Variants in CNTN4 observed in about 807,000 individuals in gnomAD.
CNTN4 encodes contactin-4.
Under a neutral mutation model 122.5 loss-of-function variants are expected in CNTN4, and 77 were observed. The ratio of observed to expected loss-of-function variants is 0.63; its 90% CI spans 0.52 to 0.76. The LOEUF (loss-of-function observed/expected upper bound fraction) is 0.76. CNTN4 is among the 30% of genes least tolerant of loss of function. CNTN4 has a pLI of 0.00. For synonymous variants in CNTN4, 512 were observed against 447.0 expected (o/e 1.15, Z -1.83); for missense variants, 1,256 against 1,259.1 (o/e 1.00, Z 0.04).
intron 3 of CNTN4, among the ~76,000 whole-genome samples, chr3:2,469,788 T>A (rs143289402): frequency 2.7e-3 from 405 of 152,312 alleles, no homozygotes; most frequent in African/African-American, 9.2e-3. Context: ...AATGTTTGAA[T>A]TTCTGACATG....
chr3:2,646,003 C>A (rs188517421), intron 4 of CNTN4, among the ~76,000 whole-genome samples: 60 of 152,218 alleles, frequency 3.9e-4, no homozygotes, highest in Non-Finnish European at 7.5e-4. Context: ...AAATATTATT[C>A]TTTTTGGATT....
rs527814781 is a variant in CNTN4 at position 2,685,834 on chromosome 3, A to C, written c.56-50381A>C. 3.3e-5 allele frequency among the ~76,000 whole-genome samples: 5 copies of C among 152,256 alleles called. No individual in the cohort carries two copies. The South Asian group carries it at 1.0e-3, about 32-fold the overall frequency. ...GCAGGTGGCTGTGGTTTGGGTTTAC[A>C]TTAGTGGACTTTTTGCCATTATGTT... On this transcript the variant is annotated intron_variant, in intron 4 of 24. Coordinates refer to ENST00000418658, the MANE Select transcript of CNTN4 (RefSeq NM_175607.3).
chr3:2,303,882 G>A (rs1410389611), intron 2 of CNTN4, among the ~76,000 whole-genome samples: 2 of 152,180 alleles, frequency 1.3e-5, no homozygotes, highest in Non-Finnish European at 2.9e-5. Flanking sequence ...CTGTCTGCAG[G>A]TATTTAGAGC....
chr3:2,884,023 C>G lies in CNTN4; in HGVS notation c.755+776C>G, dbSNP rs1290791300. On this transcript the variant is annotated intron_variant, in intron 9 of 24. Transcript: ENST00000418658. Reference sequence around the variant, plus strand: ...GATCCGTGTCAATCTTTATGCCCAGCCCCATCTATCTGACGAATCCATTAC... The same window carrying G: ...GATCCGTGTCAATCTTTATGCCCAGGCCCATCTATCTGACGAATCCATTAC... 3.3e-5 allele frequency among the ~76,000 whole-genome samples: 5 copies of G among 152,266 alleles called. No individual in the cohort carries two copies. The East Asian group carries it at 9.6e-4, about 29-fold the overall frequency.
chr3:2,394,180 T>C (rs1441033477), intron 3 of CNTN4, among the ~76,000 whole-genome samples: 4 of 151,748 alleles, frequency 2.6e-5, no homozygotes, highest in Non-Finnish European at 5.9e-5. Context: ...TTTTTTTTAA[T>C]ATTGAGAATG....
intron 2 of CNTN4, among the ~76,000 whole-genome samples, chr3:2,156,535 C>T (rs1266860807): frequency 6.6e-6 from 1 of 152,228 alleles, no homozygotes; most frequent in East Asian, 1.9e-4. Flanking sequence ...GCATGTGGGA[C>T]ATCAAGAGAT....
rs141634418 is a variant in CNTN4 at position 2,326,591 on chromosome 3, A to G, written c.-144-12587A>G. ...AGGAGATTACACAAACTGTAAAGGAAATATACTATCGCATAAATTAAGCAA... is the reference window on the plus strand; with the variant it reads ...AGGAGATTACACAAACTGTAAAGGAGATATACTATCGCATAAATTAAGCAA... On this transcript the variant is annotated intron_variant, in intron 2 of 24. Transcript: ENST00000418658. Among the ~76,000 whole-genome samples the G allele has an allele frequency of 3.1e-3, 469 of 152,210 alleles. 3 individuals carry two copies. The highest frequency in any genetic ancestry group is 0.01 in the African/African-American group (422 of 41,520).
At chr3:2,655,896 C>A (rs953283756) in intron 4 of CNTN4, among the ~76,000 whole-genome samples, 3 of 152,040 alleles carry the variant, frequency 2.0e-5, no homozygotes, top group African/African-American at 7.2e-5. Context: ...GAATGCCCAT[C>A]ACATGGAGGA....
chr3:2,360,576 T>A (rs1017356235), intron 3 of CNTN4, among the ~76,000 whole-genome samples: 2 of 152,128 alleles, frequency 1.3e-5, no homozygotes, highest in African/African-American at 4.8e-5. Flanking sequence ...GAAAGAGGCT[T>A]AATTAACTCA....
At chr3:2,729,793 A>G (rs917886991) in intron 4 of CNTN4, among the ~76,000 whole-genome samples, 1 of 151,182 alleles carries the variant, frequency 6.6e-6, no homozygotes, top group African/African-American at 2.4e-5. Context: ...ACGCGCCTGT[A>G]ATACCAGCTA....
At chr3:2,877,016 A>G (rs1158115675) in intron 8 of CNTN4, among the ~76,000 whole-genome samples, 1 of 152,056 alleles carries the variant, frequency 6.6e-6, no homozygotes, top group Non-Finnish European at 1.5e-5. Flanking sequence ...TTACTAAATC[A>G]GAAACTCAAG....
intron 3 of CNTN4, among the ~76,000 whole-genome samples, chr3:2,544,387 T>G (rs867661592): frequency 2.0e-5 from 3 of 152,044 alleles, no homozygotes; most frequent in African/African-American, 7.2e-5. Context: ...TCACCAAAAA[T>G]AGTTGAATAG....
chr3:2,185,440 G>A (rs572013268), intron 2 of CNTN4, among the ~76,000 whole-genome samples: 2 of 152,204 alleles, frequency 1.3e-5, no homozygotes, highest in East Asian at 3.9e-4. Context: ...TAGTATCCCA[G>A]ATCTTTCAGG....
At chr3:3,009,404 A>G (rs1574807260) in intron 14 of CNTN4, among the ~76,000 whole-genome samples, 1 of 152,150 alleles carries the variant, frequency 6.6e-6, no homozygotes, top group East Asian at 1.9e-4. Context: ...TCAATTCAAT[A>G]TCTAATATTT....
intron 3 of CNTN4, 75 bp downstream of exon 3, chr3:2,339,308 A>G (rs569554535): frequency 1.3e-5 from 2 of 152,192 alleles, no homozygotes; most frequent in Non-Finnish European, 2.9e-5. Context: ...CTATGGAAAC[A>G]TTGAAAACCT....
At chr3:2,103,209 A>G (rs1375094493) in intron 2 of CNTN4, among the ~76,000 whole-genome samples, 9 of 150,236 alleles carry the variant, frequency 6.0e-5, no homozygotes, top group African/African-American at 2.0e-4. Flanking sequence ...TTGCCTCAAT[A>G]CTTTTCTTAT....
chr3:2,915,627 T>A (rs1317105850), intron 12 of CNTN4, among the ~76,000 whole-genome samples: 1 of 152,226 alleles, frequency 6.6e-6, no homozygotes, highest in Non-Finnish European at 1.5e-5. Flanking sequence ...CTAAGCATGA[T>A]GTTACTCATC....
rs570144763 is a variant in CNTN4 at position 2,731,815 on chromosome 3, G to C, written c.56-4400G>C. On this transcript the variant is annotated intron_variant, in intron 4 of 24. Coordinates refer to ENST00000418658, the MANE Select transcript of CNTN4 (RefSeq NM_175607.3). Reference sequence around the variant, plus strand: ...AAATGGTAGTGGTTACAGTATAAATGCTATGTATACAAATGAAGACAAACT... The same window carrying C: ...AAATGGTAGTGGTTACAGTATAAATCCTATGTATACAAATGAAGACAAACT... 5.3e-5 allele frequency among the ~76,000 whole-genome samples: 8 copies of C among 152,354 alleles called. No homozygotes were observed. The South Asian group carries it at 1.7e-3, about 32-fold the overall frequency.
intron 3 of CNTN4, among the ~76,000 whole-genome samples, chr3:2,519,160 C>T (rs1005303413): frequency 1.1e-4 from 16 of 152,088 alleles, no homozygotes; most frequent in African/African-American, 2.4e-4. Context: ...AAGGGAAGAT[C>T]GGCTTGCCCT....
Sources: gnomAD v4.1 joint callset for allele counts (sites outside exome capture counted in the v4.1 genomes callset) on GRCh38, gnomAD v4.1.1 for gene constraint, MANE v1.5 for transcripts, NCBI Gene and HGNC (gene_info 2026-07-23, HGNC 2026-07-21) for gene names.